Variants in SLC44A5 observed in about 807,000 individuals in gnomAD.
SLC44A5 encodes the protein choline transporter-like protein 5.
In SLC44A5, 57 loss-of-function variants were observed where a neutral mutation model predicts 101.8. The observed-to-expected ratio is 0.56, with a 90% CI of 0.45 to 0.70. The LOEUF is 0.70. Ranked by LOEUF, SLC44A5 falls within the 30% of genes least tolerant of loss-of-function variation. The probability of loss-of-function intolerance (pLI) is 0.00; values close to 1 mark genes in which losing one functional copy is unlikely to be tolerated. For synonymous variants in SLC44A5, 281 were observed against 290.9 expected (o/e 0.97, Z 0.35); for missense variants, 737 against 853.1 (o/e 0.86, Z 1.70).
At chr1:75,549,416 C>T (rs936498360) in intron 1 of SLC44A5, among the ~76,000 whole-genome samples, 1 of 152,092 alleles carries the variant, frequency 6.6e-6, no homozygotes, top group African/African-American at 2.4e-5. Flanking sequence ...AAAAATTCTC[C>T]ACCGCCCCAC....
chr1:75,720,766 T>C, the SLC44A5 span, among the ~76,000 whole-genome samples: 4 of 151,842 alleles, frequency 2.6e-5, no homozygotes, highest in Non-Finnish European at 5.9e-5. Flanking sequence ...TGGTTTTATA[T>C]ATTTTAGGGA....
At chr1:75,417,381 A>G (rs962603991) in intron 2 of SLC44A5, among the ~76,000 whole-genome samples, 1 of 152,228 alleles carries the variant, frequency 6.6e-6, no homozygotes, top group Non-Finnish European at 1.5e-5. Context: ...GTCCAAATAA[A>G]CTTCTTTCTT....
the SLC44A5 span, among the ~76,000 whole-genome samples, chr1:75,707,104 T>C: frequency 6.6e-6 from 1 of 152,334 alleles, no homozygotes; most frequent in African/African-American, 2.4e-5. Flanking sequence ...CATATTTTAA[T>C]ATGTATATGT....
intron 19 of SLC44A5, 29 bp from the exon 20 acceptor site, chr1:75,214,707 A>G: frequency 6.4e-7 from 1 of 1,567,234 alleles, no homozygotes. Flanking sequence ...ATTATTCTGG[A>G]GCCAGTAACA....
intron 1 of SLC44A5, among the ~76,000 whole-genome samples, chr1:75,556,744 T>C (rs1275918358): frequency 6.6e-6 from 1 of 152,108 alleles, no homozygotes; most frequent in Admixed American, 6.6e-5. Flanking sequence ...TTTTACCTAC[T>C]AAGTAATTTG....
At chr1:75,527,728 AAT>A (rs1370667923) in intron 2 of SLC44A5, among the ~76,000 whole-genome samples, 28 of 151,970 alleles carry the variant, frequency 1.8e-4, no homozygotes, top group Admixed American at 1.8e-3. Context: ...AAAAAAAAAA[AAT>A]CATTTAATTT....
chr1:75,497,559 T>C (rs551158892), intron 2 of SLC44A5, among the ~76,000 whole-genome samples: 59 of 152,176 alleles, frequency 3.9e-4, no homozygotes, highest in Non-Finnish European at 5.9e-4. Context: ...AGAGATCTAA[T>C]GTACAGCATG....
At chr1:75,486,551 T>C (rs1188509103) in intron 2 of SLC44A5, among the ~76,000 whole-genome samples, 1 of 152,214 alleles carries the variant, frequency 6.6e-6, no homozygotes, top group African/African-American at 2.4e-5. Context: ...AAAGTTTTGA[T>C]TGGTTTAGAG....
chr1:75,594,641 C>A (rs1674535074), intron 1 of SLC44A5, among the ~76,000 whole-genome samples: 1 of 151,764 alleles, frequency 6.6e-6, no homozygotes, highest in East Asian at 1.9e-4. Context: ...GCTTTCTTAT[C>A]TTTATAAATA....
chr1:75,213,612 G>C, intron 22 of SLC44A5, 93 bp downstream of exon 22: 1 of 951,456 alleles, frequency 1.1e-6, no homozygotes, highest in African/African-American at 1.6e-5. Context: ...CCAGCCTTCA[G>C]AACTGTGAGG....
At position 75,233,994 on chromosome 1, in the gene SLC44A5, A is replaced by G. The variant is rs758271658; in HGVS notation, c.845T>C (p.Ile282Thr). 16 of 1,608,758 alleles carry G rather than the reference A, an allele frequency of 9.9e-6. No individual in the cohort carries two copies. Among genetic ancestry groups the G allele is most frequent in the South Asian group, 8.8e-5 (8 of 90,914 alleles). ...AGAGGAGTGATACCTACCATAACCT[A>G]TAATTCCAATCACACCAATCATGAA... ...WVFMIGVIGI[I>T]GYGIWHCYQQ... The change falls in exon 12 of 24, where the codon ATA (isoleucine) becomes ACA (threonine). Residue 282 changes from isoleucine to threonine, a missense_variant. Ile to Thr is a moderately conservative substitution (Grantham distance 89, BLOSUM62 -1). Coordinates refer to ENST00000370859, the MANE Select transcript of SLC44A5 (RefSeq NM_001130058.2).
At chr1:75,408,092 GC>G (rs1266552938) in intron 2 of SLC44A5, among the ~76,000 whole-genome samples, 1 of 152,132 alleles carries the variant, frequency 6.6e-6, no homozygotes, top group Non-Finnish European at 1.5e-5. Flanking sequence ...CATTTATGTG[GC>G]CTACAAACAT....
At chr1:75,701,808 GTC>G in the SLC44A5 span, among the ~76,000 whole-genome samples, 7 of 152,296 alleles carry the variant, frequency 4.6e-5, no homozygotes, top group South Asian at 1.5e-3. Context: ...CTTCAGCAAA[GTC>G]TCAGGATACA....
At chr1:75,447,842 T>C (rs1345857356) in intron 2 of SLC44A5, among the ~76,000 whole-genome samples, 1 of 152,186 alleles carries the variant, frequency 6.6e-6, no homozygotes, top group Non-Finnish European at 1.5e-5. Context: ...AAGTCAGTTT[T>C]GTTTTTCATT....
the SLC44A5 span, among the ~76,000 whole-genome samples, chr1:75,676,373 T>A: frequency 2.0e-5 from 3 of 152,102 alleles, no homozygotes; most frequent in African/African-American, 7.2e-5. Flanking sequence ...GATGCAGCCA[T>A]AAAAAGGAAC....
intron 6 of SLC44A5, among the ~76,000 whole-genome samples, chr1:75,265,689 C>G (rs548613052): frequency 4.6e-5 from 7 of 152,232 alleles, no homozygotes; most frequent in African/African-American, 1.7e-4. Flanking sequence ...TAGATAGGTA[C>G]AAATATTACA....
the SLC44A5 span, among the ~76,000 whole-genome samples, chr1:75,690,916 T>G: frequency 2.0e-5 from 3 of 151,908 alleles, no homozygotes; most frequent in African/African-American, 7.3e-5. Flanking sequence ...TCACTTGAGA[T>G]CAGGAGTTCA....
intron 2 of SLC44A5, among the ~76,000 whole-genome samples, chr1:75,430,203 G>A (rs963298394): frequency 2.0e-5 from 3 of 152,104 alleles, no homozygotes; most frequent in African/African-American, 7.2e-5. Flanking sequence ...GCTTAATGAA[G>A]TGAGCTTGGT....
chr1:75,390,179 C>G (rs1661689654), intron 3 of SLC44A5, among the ~76,000 whole-genome samples: 1 of 151,460 alleles, frequency 6.6e-6, no homozygotes, highest in Non-Finnish European at 1.5e-5. Flanking sequence ...ATGTACCAAC[C>G]AAAAAAAGCC....
Sources: gnomAD v4.1 joint callset for allele counts (sites outside exome capture counted in the v4.1 genomes callset) on GRCh38, gnomAD v4.1.1 for gene constraint, MANE v1.5 for transcripts, NCBI Gene and HGNC (gene_info 2026-07-23, HGNC 2026-07-21) for gene names.